The following PDK3 variants were observed in gnomAD, a reference collection of about 807,000 sequenced individuals.
PDK3 encodes the protein pyruvate dehydrogenase kinase, isozyme 3.
PDK3 carries 12 observed loss-of-function variants against 32.0 expected under a neutral mutation model. That is an observed-to-expected ratio of 0.37 (90% CI 0.24 to 0.61). PDK3 has a LOEUF of 0.61. PDK3 is among the 20% of genes least tolerant of loss of function. The probability of loss-of-function intolerance (pLI) is 0.65; values close to 1 mark genes in which losing one functional copy is unlikely to be tolerated. For missense variants in PDK3, 188 were observed against 316.9 expected (o/e 0.59, Z 3.09); for synonymous variants, 122 against 116.3 (o/e 1.05, Z -0.31).
chrX:24,492,882 C>T (rs1411060983), intron 1 of PDK3, among the ~76,000 whole-genome samples: 1 of 109,030 alleles, frequency 9.2e-6, no homozygotes, highest in Non-Finnish European at 1.9e-5. Context: ...TGCCTGTAGT[C>T]CCAGCTACTT....
chrX:24,487,461 C>G (rs996360801), intron 1 of PDK3, among the ~76,000 whole-genome samples: 3 of 111,573 alleles, frequency 2.7e-5, no homozygotes, highest in Admixed American at 1.9e-4. Context: ...ACACATGGAA[C>G]AAACCTGCGC....
chrX:24,547,639 A>G (rs987471496), exon 12 of PDK3: 3 of 112,659 alleles, frequency 2.7e-5, no homozygotes, highest in African/African-American at 9.7e-5. Context: ...CAGGATTGCA[A>G]TTGCATTCTT....
chrX:24,509,493 C>A (rs1026825784), intron 5 of PDK3, among the ~76,000 whole-genome samples: 2 of 110,917 alleles, frequency 1.8e-5, no homozygotes, highest in Non-Finnish European at 3.8e-5. Flanking sequence ...TCCCCCAACA[C>A]ACACATACAC....
At chrX:24,487,507 T>A (rs941446528) in intron 1 of PDK3, among the ~76,000 whole-genome samples, 1 of 112,041 alleles carries the variant, frequency 8.9e-6, no homozygotes, top group Non-Finnish European at 1.9e-5. Flanking sequence ...AGTTGAAAAT[T>A]TTTTTTAAAA....
At chrX:24,543,296 C>T (rs901798142) in exon 12 of PDK3, among the ~76,000 whole-genome samples, 3 of 110,829 alleles carry the variant, frequency 2.7e-5, no homozygotes, top group Non-Finnish European at 3.8e-5. Flanking sequence ...AGATGGCACT[C>T]ATCTCATCTT....
At chrX:24,508,874 G>A (rs759868680) in intron 5 of PDK3, among the ~76,000 whole-genome samples, 37 of 110,812 alleles carry the variant, frequency 3.3e-4, no homozygotes, top group African/African-American at 8.9e-4. Context: ...CATCATGCCC[G>A]GCTAATTTTT....
chrX:24,518,931 A>T lies in PDK3; in HGVS notation c.596-2A>T, dbSNP rs1307392030. 4.2e-6 allele frequency: 5 copies of T among 1,179,842 alleles called. No homozygotes were observed. Among genetic ancestry groups the T allele is most frequent in the Non-Finnish European group, 5.7e-6 (5 of 874,572 alleles). Reference sequence around the variant, plus strand: ...CAGCTAAACTTTTTCCTTTTCTTGCAGATGCATATGAAACAGCCAAGATGC... The same window carrying T: ...CAGCTAAACTTTTTCCTTTTCTTGCTGATGCATATGAAACAGCCAAGATGC... On this transcript the variant is annotated splice_acceptor_variant, in intron 5 of 10. Transcript: ENST00000379162. LOFTEE classifies it high-confidence loss of function.
At chrX:24,469,099 T>G (rs1920968842) in intron 1 of PDK3, among the ~76,000 whole-genome samples, 1 of 112,175 alleles carries the variant, frequency 8.9e-6, no homozygotes, top group African/African-American at 3.2e-5. Context: ...GTTATATGAA[T>G]GTACCAGAAT....
rs773597771 is a variant in PDK3, at chrX:24,527,643, G to A, written c.820G>A (p.Val274Ile). The change falls in exon 8 of 11, where the codon GTT (valine) becomes ATT (isoleucine). Residue 274 changes from valine (V) to isoleucine (I), a missense_variant. Transcript: ENST00000379162. ...KEGYPAVKTL[V>I]TLGKEDLSIK... ...GGGCTACCCTGCTGTTAAAACCCTC[G>A]TTACTTTGGGTAAAGAAGACTTATC... 15 of 1,170,828 alleles carry A rather than the reference G, an allele frequency of 1.3e-5. No individual in the cohort carries two copies. The highest frequency in any genetic ancestry group is 1.8e-5 in the African/African-American group (1 of 56,465).
chrX:24,524,895 C>A (rs752609951), intron 6 of PDK3, among the ~76,000 whole-genome samples: 47 of 112,377 alleles, frequency 4.2e-4, no homozygotes, highest in Non-Finnish European at 8.4e-4. Context: ...CGGTGGCTCA[C>A]GCCTGCAATC....
chrX:24,491,752 C>T (rs113566394), intron 1 of PDK3, among the ~76,000 whole-genome samples: 2,237 of 110,576 alleles, frequency 0.02, 61 homozygotes, highest in African/African-American at 0.07. Context: ...CCCAGGAGTT[C>T]GAGACCAGCC....
Position 24,547,008 on chromosome X carries a change from CA to C in PDK3, c.*7845del, listed in dbSNP as rs1398457396. 3.6e-5 allele frequency: 4 copies of C among 112,337 alleles called. No individual in the cohort carries two copies. The Admixed American group carries it at 3.8e-4, about 11-fold the overall frequency. 9.3% of individuals were successfully genotyped at this position (112,337 alleles called of 1,213,427 possible). Reference sequence around the variant, plus strand: ...TGTATGTGCATTTTTTGGTATAAAACACCGAAAGGTGGAGAATTGACTTCAG... The same window carrying C: ...TGTATGTGCATTTTTTGGTATAAAACCCGAAAGGTGGAGAATTGACTTCAG... On this transcript the variant is annotated 3_prime_UTR_variant, in exon 12 of 12. Coordinates refer to the PDK3 transcript ENST00000568479.
chrX:24,511,281 C>T (rs1052222531), intron 5 of PDK3, among the ~76,000 whole-genome samples: 1 of 112,700 alleles, frequency 8.9e-6, no homozygotes, highest in African/African-American at 3.2e-5. Flanking sequence ...TTCACCCTGG[C>T]TTTGTACCTT....
chrX:24,528,473 C>T (rs776729193), intron 9 of PDK3, among the ~76,000 whole-genome samples: 6 of 111,788 alleles, frequency 5.4e-5, no homozygotes, highest in Non-Finnish European at 1.1e-4. Context: ...ACTGTAGCAC[C>T]ATTTTCCACT....
intron 1 of PDK3, among the ~76,000 whole-genome samples, chrX:24,491,590 A>C: frequency 9.0e-6 from 1 of 110,890 alleles, no homozygotes; most frequent in South Asian, 3.8e-4. Context: ...CACTAAAATG[A>C]CTCAGCAGGA....
rs757133638 is a variant in PDK3 at position 24,528,202 on chromosome X, T to C, written c.963+16T>C. 43 of 932,613 alleles carry C rather than the reference T, an allele frequency of 4.6e-5. No homozygotes were observed. The highest frequency in any genetic ancestry group is 6.3e-5 in the Non-Finnish European group (41 of 645,939). The allele number at this position is 932,613 out of a possible 1,213,427, so 76.9% of individuals were successfully genotyped here. On this transcript the variant is annotated intron_variant, in intron 9 of 10. Transcript: ENST00000379162. Reference sequence around the variant, plus strand: ...TGCCCCTTTGGTAAGCATCTGAAAGTGCTGCTGAAGGAAAGATCATAAACA... The same window carrying C: ...TGCCCCTTTGGTAAGCATCTGAAAGCGCTGCTGAAGGAAAGATCATAAACA...
chrX:24,477,101 A>G (rs753304083), intron 1 of PDK3, among the ~76,000 whole-genome samples: 2 of 111,871 alleles, frequency 1.8e-5, no homozygotes, highest in Non-Finnish European at 3.8e-5. Context: ...TGGTTTACCT[A>G]TAGGATATCT....
At chrX:24,473,331 G>A (rs1186056668) in intron 1 of PDK3, among the ~76,000 whole-genome samples, 1 of 108,883 alleles carries the variant, frequency 9.2e-6, no homozygotes, top group East Asian at 3.0e-4. Flanking sequence ...CCAAGATTGC[G>A]CCACTGCACT....
intron 2 of PDK3, 152 bp from the exon 3 acceptor site, chrX:24,498,677 C>T: frequency 2.7e-6 from 1 of 366,645 alleles, no homozygotes; most frequent in Non-Finnish European, 4.8e-6. Context: ...CACTGGCTTC[C>T]CTGATGCACT....
Sources: gnomAD v4.1 joint callset for allele counts (sites outside exome capture counted in the v4.1 genomes callset) on GRCh38, gnomAD v4.1.1 for gene constraint, MANE v1.5 for transcripts, NCBI Gene and HGNC (gene_info 2026-07-23, HGNC 2026-07-21) for gene names.